The following BRIP1 variants were observed in gnomAD, a reference collection of about 807,000 sequenced individuals.
BRIP1 encodes Fanconi anemia group J protein.
In BRIP1, 88 loss-of-function variants were observed where a neutral mutation model predicts 119.7. The ratio of observed to expected loss-of-function variants is 0.74; its 90% CI spans 0.62 to 0.88. The LOEUF (loss-of-function observed/expected upper bound fraction) is 0.88. Among genes scored for constraint, BRIP1 ranks in the 40% least tolerant of loss-of-function variants. The probability of loss-of-function intolerance (pLI) is 0.00; values close to 1 mark genes in which losing one functional copy is unlikely to be tolerated. For missense variants in BRIP1, 1,259 were observed against 1,455.4 expected, an observed-to-expected ratio of 0.87 and a Z score of 2.20; for synonymous variants, 443 against 496.5, an observed-to-expected ratio of 0.89 and a Z score of 1.43.
At chr17:61,765,382 TATATATATATATATATATATA>T (rs2077341978) in intron 14 of BRIP1, among the ~76,000 whole-genome samples, 5 of 18,322 alleles carry the variant, frequency 2.7e-4, no homozygotes, top group South Asian at 3.2e-3. Flanking sequence ...GTATATATTA[TATATATATATATATATATATA>T]TATATATATA....
At chr17:61,850,613 A>C (rs1355951170) in intron 4 of BRIP1, among the ~76,000 whole-genome samples, 3 of 151,790 alleles carry the variant, frequency 2.0e-5, no homozygotes, top group African/African-American at 7.3e-5. Context: ...GGATCACTTG[A>C]GCCCAGGAGT....
At position 61,709,760 on chromosome 17, in the gene BRIP1, T is replaced by C. The variant is rs2061744359; in HGVS notation, c.2492+6191A>G. ...CTTTCAGTAAAGCAACAAAGACTAGTTAGAAAACTCATAGTGCAGTTGTAA... is the reference window on the plus strand; with the variant it reads ...CTTTCAGTAAAGCAACAAAGACTAGCTAGAAAACTCATAGTGCAGTTGTAA... On this transcript the variant is annotated intron_variant, in intron 17 of 19. Coordinates refer to ENST00000259008, the MANE Select transcript of BRIP1 (RefSeq NM_032043.3). The surrounding 1 kb of genome is among the most constrained non-coding windows in gnomAD (Gnocchi z 5.0). Among the ~76,000 whole-genome samples the C allele has an allele frequency of 6.6e-6, 1 of 152,226 alleles. No homozygotes were observed. The highest frequency in any genetic ancestry group is 6.5e-5 in the Admixed American group (1 of 15,286).
rs1177410437 is a variant in BRIP1, at chr17:61,845,258, A to G, written c.627+1843T>C. 6.6e-6 allele frequency among the ~76,000 whole-genome samples: 1 copy of G among 152,212 alleles called. No individual in the cohort carries two copies. Among genetic ancestry groups the G allele is most frequent in the Non-Finnish European group, 1.5e-5 (1 of 68,036 alleles). Reference sequence around the variant, plus strand: ...AGATCACCAACAAAACACAAATTAAATGTACAGTAACTGAAAACAAATCTG... The same window carrying G: ...AGATCACCAACAAAACACAAATTAAGTGTACAGTAACTGAAAACAAATCTG... On this transcript the variant is annotated intron_variant, in intron 6 of 19. Coordinates refer to ENST00000259008, the MANE Select transcript of BRIP1 (RefSeq NM_032043.3). The surrounding 1 kb of genome is among the most constrained non-coding windows in gnomAD (Gnocchi z 4.2).
intron 6 of BRIP1, among the ~76,000 whole-genome samples, chr17:61,819,424 C>T (rs1362301180): frequency 2.0e-5 from 3 of 152,176 alleles, no homozygotes; most frequent in Non-Finnish European, 4.4e-5. Context: ...GAGATATCTG[C>T]ACTCTCATGT....
chr17:61,702,972 C>CTTTTTTTT (rs61428664), intron 17 of BRIP1, among the ~76,000 whole-genome samples: 9 of 125,214 alleles, frequency 7.2e-5, no homozygotes, highest in Non-Finnish European at 1.2e-4. Flanking sequence ...AGCATCTGTT[C>CTTTTTTTT]TTTTTTTTTT....
chr17:61,786,395 C>T (rs2077707811), intron 10 of BRIP1, among the ~76,000 whole-genome samples: 1 of 151,862 alleles, frequency 6.6e-6, no homozygotes, highest in Non-Finnish European at 1.5e-5. Flanking sequence ...TAAAAGTGCA[C>T]TCCAAAGTGA....
Position 61,713,309 on chromosome 17 carries a change from TA to T in BRIP1, c.2492+2641del, listed in dbSNP as rs147486481. 1.3e-5 allele frequency among the ~76,000 whole-genome samples: 2 copies of T among 150,896 alleles called. No individual in the cohort carries two copies. Among genetic ancestry groups the T allele is most frequent in the African/African-American group, 2.4e-5 (1 of 41,112 alleles). ...TACAGTGTACTCCTTTCACTTACATTAAAAAAAAAGTTAACTATAAAACAGC... is the reference window on the plus strand; with the variant it reads ...TACAGTGTACTCCTTTCACTTACATTAAAAAAAAGTTAACTATAAAACAGC... On this transcript the variant is annotated intron_variant, in intron 17 of 19. Transcript: ENST00000259008. This position sits in a 1 kb window ranked among gnomAD's most constrained non-coding sequence, Gnocchi z 4.9.
chr17:61,861,636 T>TAAGGGAGA lies in BRIP1; in HGVS notation c.-30-75_-30-68dup. On this transcript the variant is annotated intron_variant, in intron 1 of 19. Transcript: ENST00000259008. The surrounding 1 kb of genome is among the most constrained non-coding windows in gnomAD (Gnocchi z 4.5). Reference sequence around the variant, plus strand: ...ACAAAGAAAACCAGAGAACCAAAACTAAGGGAGAAATCTGGAAACAGAAAC... The same window carrying TAAGGGAGA: ...ACAAAGAAAACCAGAGAACCAAAACTAAGGGAGAAAGGGAGAAATCTGGAAACAGAAAC... 1.2e-6 allele frequency: 1 copy of TAAGGGAGA among 856,286 alleles called. No individual in the cohort carries two copies. The highest frequency in any genetic ancestry group is 2.0e-6 in the Non-Finnish European group (1 of 507,340). The allele number at this position is 856,286 out of a possible 1,614,324, so 53.0% of individuals were successfully genotyped here.
In BRIP1 at chr17:61,781,920, CAA is replaced by C. The variant is rs10710869; in HGVS notation, c.1629-917_1629-916del. Reference sequence around the variant, plus strand: ...TGGGTGACGGAGCAAGACTCCATCTCAAAAAAAAAAAAAAAAGTAAAATGTGA... The same window carrying C: ...TGGGTGACGGAGCAAGACTCCATCTCAAAAAAAAAAAAAAGTAAAATGTGA... On this transcript the variant is annotated intron_variant, in intron 11 of 19. Coordinates refer to ENST00000259008, the MANE Select transcript of BRIP1 (RefSeq NM_032043.3). Among the ~76,000 whole-genome samples the C allele has an allele frequency of 6.9e-3, 882 of 128,730 alleles. 8 individuals are homozygous for C. Among genetic ancestry groups the C allele is most frequent in the African/African-American group, 0.02 (700 of 34,740 alleles). 84.5% of individuals were successfully genotyped at this position (128,730 alleles called of 152,430 possible).
In BRIP1 at chr17:61,780,244, A is replaced by G; in HGVS notation, c.1935+17T>C. 6.2e-7 allele frequency: 1 copy of G among 1,610,590 alleles called. No homozygotes were observed. Among genetic ancestry groups the G allele is most frequent in the Non-Finnish European group, 8.5e-7 (1 of 1,178,050 alleles). ...AGAAACACTGAAGGCCTTCCAAAAA[A>G]AAAAACAACAACTAACCTGTGAATT... On this transcript the variant is annotated intron_variant, in intron 13 of 19. Transcript: ENST00000259008. The surrounding 1 kb of genome is among the most constrained non-coding windows in gnomAD (Gnocchi z 5.4).
In BRIP1 at chr17:61,768,978, C is replaced by T. The variant is rs1243547125; in HGVS notation, c.2097+7423G>A. ...AAGTAGTAGTAGTAATAAGCTGCCA[C>T]GTTGTTGAGAGGGCGATATGACTAG... On this transcript the variant is annotated intron_variant, in intron 14 of 19. Coordinates refer to ENST00000259008, the MANE Select transcript of BRIP1 (RefSeq NM_032043.3). This position sits in a 1 kb window ranked among gnomAD's most constrained non-coding sequence, Gnocchi z 5.0. 6.6e-6 allele frequency among the ~76,000 whole-genome samples: 1 copy of T among 152,088 alleles called. No individual in the cohort carries two copies.
chr17:61,799,392 G>A lies in BRIP1; in HGVS notation c.1141-93C>T, dbSNP rs1351812186. ...TTTCATTTTAAAATTCACACTATAG[G>A]CCAATATTGCAAATGCAATTACATA... On this transcript the variant is annotated intron_variant, in intron 8 of 19. Coordinates refer to ENST00000259008, the MANE Select transcript of BRIP1 (RefSeq NM_032043.3). This position sits in a 1 kb window ranked among gnomAD's most constrained non-coding sequence, Gnocchi z 5.1. 6.4e-5 allele frequency: 62 copies of A among 966,208 alleles called. No individual in the cohort carries two copies. The East Asian group carries it at 1.6e-3, about 25-fold the overall frequency. The allele number at this position is 966,208 out of a possible 1,614,324, so 59.9% of individuals were successfully genotyped here.
chr17:61,789,090 G>C lies in BRIP1; in HGVS notation c.1473+4507C>G, dbSNP rs993124430. On this transcript the variant is annotated intron_variant, in intron 10 of 19. Transcript: ENST00000259008. This position sits in a 1 kb window ranked among gnomAD's most constrained non-coding sequence, Gnocchi z 4.8. ...AGCCTGGTTAACAGAGTGAGATTCT[G>C]TCTCAAAATAAATAAAAAAATAAGT... Among the ~76,000 whole-genome samples the C allele has an allele frequency of 2.0e-5, 3 of 151,822 alleles. No individual in the cohort carries two copies. Among genetic ancestry groups the C allele is most frequent in the Non-Finnish European group, 2.9e-5 (2 of 67,932 alleles).
At chr17:61,800,422 C>A (rs2077972754) in intron 8 of BRIP1, among the ~76,000 whole-genome samples, 1 of 152,006 alleles carries the variant, frequency 6.6e-6, no homozygotes, top group African/African-American at 2.4e-5. Context: ...TCATCAAAAG[C>A]AAAGATAGAG....
rs2078393985 is a variant in BRIP1, at chr17:61,825,609, T to C, written c.628-16852A>G. 6.7e-6 allele frequency among the ~76,000 whole-genome samples: 1 copy of C among 148,444 alleles called. No homozygotes were observed. Among genetic ancestry groups the C allele is most frequent in the East Asian group, 2.0e-4 (1 of 5,080 alleles). The stretch of plus-strand genomic sequence containing the variant: ...GAGCCAAATCAGGAATGCAATCCCA[T>C]TCACAATTGCCACAAATAAATAAAT... On this transcript the variant is annotated intron_variant, in intron 6 of 19. Transcript: ENST00000259008. The surrounding 1 kb of genome is among the most constrained non-coding windows in gnomAD (Gnocchi z 4.1).
intron 10 of BRIP1, among the ~76,000 whole-genome samples, chr17:61,786,761 T>G (rs1345157802): frequency 7.4e-6 from 1 of 135,136 alleles, no homozygotes; most frequent in Non-Finnish European, 1.6e-5. Context: ...ATTATATATT[T>G]TATATATTAT....
rs1208074186 is a variant in BRIP1 at position 61,729,615 on chromosome 17, T to C, written c.2379+13398A>G. On this transcript the variant is annotated intron_variant, in intron 16 of 19. Coordinates refer to ENST00000259008, the MANE Select transcript of BRIP1 (RefSeq NM_032043.3). The surrounding 1 kb of genome is among the most constrained non-coding windows in gnomAD (Gnocchi z 5.6). ...TGGGGTGCAGGCCAAAAGACTGTTA[T>C]AAGAAAAAGCTATCTACTGTATTTA... 6.6e-6 allele frequency among the ~76,000 whole-genome samples: 1 copy of C among 152,198 alleles called. No individual in the cohort carries two copies. The highest frequency in any genetic ancestry group is 2.4e-5 in the African/African-American group (1 of 41,444).
intron 6 of BRIP1, among the ~76,000 whole-genome samples, chr17:61,840,161 C>T (rs540920739): frequency 1.6e-3 from 240 of 152,060 alleles, no homozygotes; most frequent in Non-Finnish European, 2.8e-3. Context: ...GCGTTCAAGG[C>T]CAGCCTGGCC....
rs1239523154 is a variant in BRIP1, at chr17:61,846,017, C to A, written c.627+1084G>T. Among the ~76,000 whole-genome samples, 4 of 151,762 alleles carry A rather than the reference C, an allele frequency of 2.6e-5. No homozygotes were observed. The highest frequency in any genetic ancestry group is 9.7e-5 in the African/African-American group (4 of 41,308). Reference sequence around the variant, plus strand: ...CTAACGTGGTGAAACCCCGTCTCTACTAAAAATACAAAAAATTAGCCAGGC... The same window carrying A: ...CTAACGTGGTGAAACCCCGTCTCTAATAAAAATACAAAAAATTAGCCAGGC... On this transcript the variant is annotated intron_variant, in intron 6 of 19. Transcript: ENST00000259008. This position sits in a 1 kb window ranked among gnomAD's most constrained non-coding sequence, Gnocchi z 4.3.
Sources: gnomAD v4.1 joint callset for allele counts (sites outside exome capture counted in the v4.1 genomes callset) on GRCh38, gnomAD v4.1.1 for gene constraint, Gnocchi (gnomAD v3.1) non-coding constraint, MANE v1.5 for transcripts, NCBI Gene and HGNC (gene_info 2026-07-23, HGNC 2026-07-21) for gene names.